The following KCNB2 variants were observed in gnomAD, a reference collection of about 807,000 sequenced individuals.
KCNB2 encodes the protein delayed rectifier potassium channel protein.
KCNB2 carries 15 observed loss-of-function variants against 61.5 expected under a neutral mutation model. The observed-to-expected ratio is 0.24, with a 90% CI of 0.16 to 0.38. KCNB2 has a LOEUF of 0.38. Ranked by LOEUF, KCNB2 falls within the 10% of genes least tolerant of loss-of-function variation. The pLI is 1.00. For missense variants in KCNB2, 828 were observed against 1,125.2 expected, an observed-to-expected ratio of 0.74 and a Z score of 3.78; for synonymous variants, 457 against 446.0, an observed-to-expected ratio of 1.02 and a Z score of -0.31.
intron 1 of KCNB2, among the ~76,000 whole-genome samples, chr8:72,539,193 A>G (rs1806157055): frequency 6.6e-6 from 1 of 152,212 alleles, no homozygotes. Flanking sequence ...TAACTCAAAC[A>G]GTTTAGTAAT....
intron 1 of KCNB2, among the ~76,000 whole-genome samples, chr8:72,553,114 A>G (rs1806371173): frequency 6.6e-6 from 1 of 152,198 alleles, no homozygotes; most frequent in South Asian, 2.1e-4. Context: ...ATCATTAGCA[A>G]CAACAACAAA....
chr8:72,829,548 C>G (rs1809655218), intron 2 of KCNB2, among the ~76,000 whole-genome samples: 1 of 152,156 alleles, frequency 6.6e-6, no homozygotes, highest in South Asian at 2.1e-4. Flanking sequence ...CGTAAGTTCT[C>G]ACCACAGCTG....
chr8:72,831,233 A>C (rs543995954), intron 2 of KCNB2, among the ~76,000 whole-genome samples: 4 of 152,216 alleles, frequency 2.6e-5, no homozygotes, highest in Non-Finnish European at 5.9e-5. Flanking sequence ...ATCCCATTAC[A>C]TTCATTTACC....
At chr8:72,785,327 A>G (rs1361619865) in intron 2 of KCNB2, among the ~76,000 whole-genome samples, 1 of 152,098 alleles carries the variant, frequency 6.6e-6, no homozygotes, top group Non-Finnish European at 1.5e-5. Context: ...ATTATAAACA[A>G]CCCAAATAAG....
At chr8:72,889,642 G>T (rs555178058) in intron 2 of KCNB2, among the ~76,000 whole-genome samples, 2 of 151,980 alleles carry the variant, frequency 1.3e-5, no homozygotes, top group East Asian at 3.9e-4. Flanking sequence ...AGCCAAGATC[G>T]TACTACTGCA....
chr8:72,865,061 C>G (rs1179612010), intron 2 of KCNB2, among the ~76,000 whole-genome samples: 1 of 152,136 alleles, frequency 6.6e-6, no homozygotes, highest in African/African-American at 2.4e-5. Flanking sequence ...CTGGGAGAGG[C>G]CTTTGGTCTC....
chr8:72,919,266 AGT>A (rs1161112403), intron 2 of KCNB2, among the ~76,000 whole-genome samples: 1 of 152,168 alleles, frequency 6.6e-6, no homozygotes, highest in Non-Finnish European at 1.5e-5. Context: ...GCCGAAGTGG[AGT>A]TCCCATAGCC....
intron 2 of KCNB2, among the ~76,000 whole-genome samples, chr8:72,711,507 A>G (rs1180473825): frequency 6.6e-6 from 1 of 152,230 alleles, no homozygotes; most frequent in African/African-American, 2.4e-5. Context: ...AAGAGCATAT[A>G]GGAGGGAAAC....
intron 2 of KCNB2, among the ~76,000 whole-genome samples, chr8:72,662,437 G>A (rs1479938082): frequency 6.6e-6 from 1 of 152,206 alleles, no homozygotes; most frequent in Non-Finnish European, 1.5e-5. Flanking sequence ...CCTAGGTAAT[G>A]ATAATATCGC....
chr8:72,865,067 G>T (rs567055115), intron 2 of KCNB2, among the ~76,000 whole-genome samples: 2 of 152,198 alleles, frequency 1.3e-5, no homozygotes, highest in Non-Finnish European at 2.9e-5. Context: ...GAGGCCTTTG[G>T]TCTCTTCCCA....
At chr8:72,870,468 A>G (rs555389302) in intron 2 of KCNB2, among the ~76,000 whole-genome samples, 2 of 152,262 alleles carry the variant, frequency 1.3e-5, no homozygotes, top group South Asian at 4.1e-4. Context: ...TTTTTCTTCT[A>G]ATTCTAACTG....
Position 72,937,712 on chromosome 8 carries a change from C to T in KCNB2, c.2357C>T (p.Pro786Leu). ...PCQGPSKGLS[P>L]RFPKQKLFPF... Reference sequence around the variant, plus strand: ...CAGGGACCTTCCAAAGGGCTGTCCCCCAGGTTTCCCAAGCAGAAACTGTTC... The same window carrying T: ...CAGGGACCTTCCAAAGGGCTGTCCCTCAGGTTTCCCAAGCAGAAACTGTTC... The change falls in exon 3 of 3, where the codon CCC becomes CTC. Residue 786 changes from proline to leucine, a missense_variant. Physicochemically the swap from Pro to Leu is moderately conservative, Grantham distance 98. This residue lies in a region of KCNB2 where 559 missense variants were observed against 588.4 expected (regional missense o/e 0.95). Transcript: ENST00000523207. 2 of 1,613,952 alleles carry T rather than the reference C, an allele frequency of 1.2e-6. No individual in the cohort carries two copies. Among genetic ancestry groups the T allele is most frequent in the Non-Finnish European group, 8.5e-7 (1 of 1,179,984 alleles).
chr8:72,825,524 G>C (rs995254455), intron 2 of KCNB2, among the ~76,000 whole-genome samples: 1 of 152,102 alleles, frequency 6.6e-6, no homozygotes, highest in African/African-American at 2.4e-5. Flanking sequence ...TAGTACACAG[G>C]GCTCCAATTT....
At chr8:72,768,164 G>A (rs553227821) in intron 2 of KCNB2, among the ~76,000 whole-genome samples, 3 of 151,984 alleles carry the variant, frequency 2.0e-5, no homozygotes, top group Non-Finnish European at 4.4e-5. Context: ...CCTATTTTGT[G>A]TGTTGTCTTT....
chr8:72,898,055 G>A (rs567362248), intron 2 of KCNB2, among the ~76,000 whole-genome samples: 1 of 152,238 alleles, frequency 6.6e-6, no homozygotes, highest in South Asian at 2.1e-4. Context: ...CTGGGAAATG[G>A]ATTATCTGTC....
intron 2 of KCNB2, among the ~76,000 whole-genome samples, chr8:72,764,677 G>T (rs538239824): frequency 1.3e-5 from 2 of 152,258 alleles, no homozygotes; most frequent in African/African-American, 4.8e-5. Flanking sequence ...ATTTGCCTAT[G>T]TTCTTTCTTA....
At chr8:72,672,083 T>A (rs1806574752) in intron 2 of KCNB2, among the ~76,000 whole-genome samples, 1 of 152,138 alleles carries the variant, frequency 6.6e-6, no homozygotes, top group African/African-American at 2.4e-5. Context: ...GAGAGGACAA[T>A]CCTCAATCCT....
At chr8:72,630,696 C>G (rs549720568) in intron 2 of KCNB2, among the ~76,000 whole-genome samples, 3 of 152,326 alleles carry the variant, frequency 2.0e-5, no homozygotes, top group African/African-American at 7.2e-5. Context: ...ACAGACTAGA[C>G]TTTAGCTATG....
intron 2 of KCNB2, among the ~76,000 whole-genome samples, chr8:72,737,262 T>C (rs1041651578): frequency 6.6e-6 from 1 of 152,224 alleles, no homozygotes; most frequent in African/African-American, 2.4e-5. Context: ...GCAATGTACT[T>C]GCCTTCCAAC....
Sources: gnomAD v4.1 joint callset for allele counts (sites outside exome capture counted in the v4.1 genomes callset) on GRCh38, gnomAD v4.1.1 for gene constraint, gnomAD v4.1.1 regional missense constraint, MANE v1.5 for transcripts, NCBI Gene and HGNC (gene_info 2026-07-23, HGNC 2026-07-21) for gene names.